Variants in TMEM135 observed in about 807,000 individuals in gnomAD.
TMEM135 encodes peroxisomal membrane protein 52.
In TMEM135, 30 loss-of-function variants were observed where a neutral mutation model predicts 60.3. That is an observed-to-expected ratio of 0.50 (90% confidence interval 0.37 to 0.68). The LOEUF (loss-of-function observed/expected upper bound fraction) is 0.68, where lower values mean the gene tolerates loss of function less well. TMEM135 is among the 30% of genes least tolerant of loss of function. TMEM135 has a pLI of 0.00. For missense variants in TMEM135, 468 were observed against 548.8 expected (o/e 0.85, Z 1.47); for synonymous variants, 190 against 186.7 (o/e 1.02, Z -0.14).
chr11:87,075,600 T>C (rs887002881), intron 3 of TMEM135, among the ~76,000 whole-genome samples: 14 of 152,224 alleles, frequency 9.2e-5, no homozygotes, highest in Non-Finnish European at 1.8e-4. Flanking sequence ...TATTTTCTTT[T>C]AATCTAAGAT....
intron 5 of TMEM135, among the ~76,000 whole-genome samples, chr11:87,172,953 T>G (rs745528358): frequency 4.6e-5 from 7 of 151,798 alleles, no homozygotes; most frequent in Non-Finnish European, 1.0e-4. Flanking sequence ...TAAGATATAT[T>G]TCCAACATTA....
intron 5 of TMEM135, among the ~76,000 whole-genome samples, chr11:87,171,558 G>A (rs1425095326): frequency 1.3e-5 from 2 of 152,070 alleles, no homozygotes; most frequent in South Asian, 2.1e-4. Flanking sequence ...AAAAATACTC[G>A]TCTGCATGTC....
At chr11:87,056,621 G>C (rs1055580286) in intron 1 of TMEM135, among the ~76,000 whole-genome samples, 6 of 152,114 alleles carry the variant, frequency 3.9e-5, no homozygotes, top group African/African-American at 9.7e-5. Context: ...TTTAACATTG[G>C]CTTTATCTTC....
intron 4 of TMEM135, among the ~76,000 whole-genome samples, chr11:87,112,682 G>A (rs1352405360): frequency 6.6e-6 from 1 of 151,992 alleles, no homozygotes; most frequent in Non-Finnish European, 1.5e-5. Context: ...AAGAGTTTAA[G>A]TACTTTAGTT....
intron 7 of TMEM135, among the ~76,000 whole-genome samples, chr11:87,298,786 C>CAAAAGAAAAAA (rs1942392304): frequency 1.7e-5 from 1 of 57,716 alleles, no homozygotes; most frequent in African/African-American, 7.6e-5. Context: ...GACTCTGTCT[C>CAAAAGAAAAAA]AAAAAAAAAA....
intron 7 of TMEM135, among the ~76,000 whole-genome samples, chr11:87,297,816 T>C (rs886586547): frequency 6.6e-6 from 1 of 152,234 alleles, no homozygotes; most frequent in East Asian, 1.9e-4. Context: ...TTTGTGCATC[T>C]CCTTCCACTA....
rs760908036 is a variant in TMEM135 at position 87,327,479 on chromosome 11, A to G, written c.*6146A>G. 17 of 453,972 alleles carry G rather than the reference A, an allele frequency of 3.7e-5. No individual in the cohort carries two copies. The highest frequency in any genetic ancestry group is 8.0e-5 in the African/African-American group (4 of 50,002). The allele number at this position is 453,972 out of a possible 1,614,324, so 28.1% of individuals were successfully genotyped here. The stretch of plus-strand genomic sequence containing the variant: ...AAACCTCTATTTCTTAAAGTTCTGT[A>G]TCAGTCAGGGTTTCCCAGAGAGGCA... On this transcript the variant is annotated 3_prime_UTR_variant, in exon 15 of 15. Transcript: ENST00000305494.
intron 1 of TMEM135, among the ~76,000 whole-genome samples, chr11:87,042,087 A>AC (rs1949754671): frequency 6.6e-6 from 1 of 152,248 alleles, no homozygotes; most frequent in Non-Finnish European, 1.5e-5. Flanking sequence ...CAATTTATTT[A>AC]ACGTGTATAC....
In TMEM135 at chr11:87,160,570, C is replaced by T. The variant is rs960226703; in HGVS notation, c.462+3164C>T. ...ATGCAATATAATTGCCCTGAATGTA[C>T]AGTAATTCACTTACTTAGACTAGAG... On this transcript the variant is annotated intron_variant, in intron 5 of 14. Transcript: ENST00000305494. Among the ~76,000 whole-genome samples, 5 of 152,136 alleles carry T rather than the reference C, an allele frequency of 3.3e-5. No homozygotes were observed. The South Asian group carries it at 6.2e-4, about 19-fold the overall frequency.
At chr11:87,280,694 T>C (rs1942045461) in intron 6 of TMEM135, among the ~76,000 whole-genome samples, 1 of 152,234 alleles carries the variant, frequency 6.6e-6, no homozygotes, top group Admixed American at 6.5e-5. Context: ...ATTGTACCTA[T>C]ACCTTCTGGA....
intron 4 of TMEM135, among the ~76,000 whole-genome samples, chr11:87,138,371 T>G (rs643175): frequency 0.47 from 72,002 of 151,704 alleles, 17,337 homozygotes; most frequent in East Asian, 0.67. Context: ...GATTACAGGT[T>G]TGAGCCACTG....
At chr11:87,259,177 C>G (rs1308879286) in intron 6 of TMEM135, 4 of 568,032 alleles carry the variant, frequency 7.0e-6, no homozygotes, top group Non-Finnish European at 1.3e-5. Flanking sequence ...TCGTCGTCCT[C>G]CTCCAACTCC....
intron 6 of TMEM135, among the ~76,000 whole-genome samples, chr11:87,241,041 A>C (rs556684988): frequency 2.4e-4 from 19 of 79,950 alleles, no homozygotes; most frequent in African/African-American, 8.8e-4. Flanking sequence ...ACTTTTAGAA[A>C]CATTTCTTTT....
chr11:87,121,776 A>G (rs1315576550), intron 4 of TMEM135, among the ~76,000 whole-genome samples: 2 of 151,140 alleles, frequency 1.3e-5, no homozygotes, highest in African/African-American at 4.9e-5. Context: ...AGTAGCAGGG[A>G]CTACAGGTAC....
At chr11:87,241,257 G>C (rs1056134667) in intron 6 of TMEM135, among the ~76,000 whole-genome samples, 1 of 151,992 alleles carries the variant, frequency 6.6e-6, no homozygotes, top group South Asian at 2.1e-4. Flanking sequence ...AACTTTAGAA[G>C]CATATAAAAA....
intron 5 of TMEM135, among the ~76,000 whole-genome samples, chr11:87,163,017 CT>C (rs34718412): frequency 0.38 from 54,225 of 143,226 alleles, 10,365 homozygotes; most frequent in East Asian, 0.67. Flanking sequence ...TAAATGTCTT[CT>C]TTTTTTTTTT....
At chr11:87,286,089 A>G (rs1942159399) in intron 6 of TMEM135, among the ~76,000 whole-genome samples, 1 of 152,188 alleles carries the variant, frequency 6.6e-6, no homozygotes. Context: ...ACCTTGAGCT[A>G]GACGCAGAAT....
At chr11:87,226,848 C>T (rs1940775097) in intron 5 of TMEM135, among the ~76,000 whole-genome samples, 1 of 152,000 alleles carries the variant, frequency 6.6e-6, no homozygotes. Context: ...GGTTTGAGAC[C>T]AGCCTGCCTG....
intron 2 of TMEM135, among the ~76,000 whole-genome samples, chr11:87,068,789 G>C (rs928567610): frequency 3.5e-5 from 5 of 143,958 alleles, no homozygotes; most frequent in Non-Finnish European, 7.5e-5. Flanking sequence ...CCAGCTTGGG[G>C]GACAGAGTCA....
Sources: gnomAD v4.1 joint callset for allele counts (sites outside exome capture counted in the v4.1 genomes callset) on GRCh38, gnomAD v4.1.1 for gene constraint, MANE v1.5 for transcripts, NCBI Gene and HGNC (gene_info 2026-07-23, HGNC 2026-07-21) for gene names.